The following POLR1B variants were observed in gnomAD, a reference collection of about 807,000 sequenced individuals.
The protein encoded by POLR1B is DNA-directed RNA polymerase I subunit RPA2.
In POLR1B, 30 loss-of-function variants were observed where a neutral mutation model predicts 105.8. That is an observed-to-expected ratio of 0.28 (90% CI 0.21 to 0.38). The LOEUF is 0.38. POLR1B is among the 10% of genes least tolerant of loss of function. The probability of loss-of-function intolerance (pLI) is 1.00; values close to 1 mark genes in which losing one functional copy is unlikely to be tolerated. For synonymous variants in POLR1B, 485 were observed against 505.1 expected, an observed-to-expected ratio of 0.96 and a Z score of 0.53; for missense variants, 976 against 1,435.8, an observed-to-expected ratio of 0.68 and a Z score of 5.17.
chr2:112,547,375 A>C, intron 2 of POLR1B, 46 bp from the exon 3 acceptor site: 2 of 1,583,094 alleles, frequency 1.3e-6, no homozygotes, highest in Non-Finnish European at 1.7e-6. Context: ...GTTCTCGTAA[A>C]TGCAGATATT....
upstream of POLR1B, chr2:112,542,125 C>T (rs1198402733): frequency 3.3e-6 from 5 of 1,535,636 alleles, no homozygotes; most frequent in Non-Finnish European, 4.4e-6. Context: ...GAAGACCGCT[C>T]TCCTCCGATC....
chr2:112,550,938 C>T lies in POLR1B; in HGVS notation c.698C>T (p.Thr233Ile). The T allele has an allele frequency of 6.2e-7, 1 of 1,613,438 alleles. No individual in the cohort carries two copies. Among genetic ancestry groups the T allele is most frequent in the Non-Finnish European group, 8.5e-7 (1 of 1,179,394 alleles). Residue 233 changes from threonine (T) to isoleucine (I), a missense_variant, in exon 5 of 15, where the codon ACT becomes ATT. Transcript: ENST00000263331. ...NMNLHYLENG[T>I]VMLNFIYRKE... ...AACCTCCACTACTTGGAAAATGGCA[C>T]TGTTATGTTGAACTTTATTTACCGA...
At position 112,558,178 on chromosome 2, in the gene POLR1B, C is replaced by T. The variant is rs553579826; in HGVS notation, c.1330+97C>T. The T allele has an allele frequency of 1.9e-4, 191 of 980,834 alleles. 1 individual carries two copies. In the South Asian group the frequency reaches 6.9e-3, roughly 35 times the overall value. The allele number at this position is 980,834 out of a possible 1,614,324, so 60.8% of individuals were successfully genotyped here. A position where few individuals can be genotyped will look rare whatever the true frequency, so the allele number is the denominator to read the frequency against. The stretch of plus-strand genomic sequence containing the variant: ...GAGTTCTTTTTAAAAGCAAACCCCA[C>T]GAAAAAAGTAAATTTCTCATAACTA... On this transcript the variant is annotated intron_variant, in intron 8 of 14. Transcript: ENST00000263331.
At chr2:112,542,773 C>T (rs1574083144) in intron 1 of POLR1B, 102 bp downstream of exon 1, 2 of 1,427,762 alleles carry the variant, frequency 1.4e-6, no homozygotes, top group South Asian at 1.3e-5. Flanking sequence ...CTCCTTGATC[C>T]TGACAGGCTT....
chr2:112,546,424 C>G (rs1266451697), intron 1 of POLR1B, among the ~76,000 whole-genome samples: 1 of 151,924 alleles, frequency 6.6e-6, no homozygotes, highest in Non-Finnish European at 1.5e-5. Flanking sequence ...GTTCTGTTCA[C>G]AGCTGTATCC....
At position 112,568,081 on chromosome 2, in the gene POLR1B, C is replaced by T; in HGVS notation, c.1861C>T (p.Arg621Trp). The part of the protein sequence containing the change: ...FLFTTPCRLV[R>W]PVQNLALGKE... The stretch of plus-strand genomic sequence containing the variant: ...TTTTACCACTCCTTGTAGACTGGTA[C>T]GGCCTGTGCAGAACTTAGCATTGGG... The change falls in exon 11 of 15, where the codon CGG becomes TGG. Residue 621 changes from arginine to tryptophan, a missense_variant. Around this residue, in one of 12 missense-constraint regions of POLR1B, gnomAD observed 184 missense variants for 197.4 expected, o/e 0.93. Coordinates refer to ENST00000263331, the MANE Select transcript of POLR1B (RefSeq NM_019014.6). 1 of 1,614,078 alleles carries T rather than the reference C, an allele frequency of 6.2e-7. No individual in the cohort carries two copies. Among genetic ancestry groups the T allele is most frequent in the Non-Finnish European group, 8.5e-7 (1 of 1,179,960 alleles).
In POLR1B at chr2:112,552,835, C is replaced by T. The variant is rs1253589973; in HGVS notation, c.1158+19C>T. On this transcript the variant is annotated intron_variant, in intron 7 of 14. Coordinates refer to ENST00000263331, the MANE Select transcript of POLR1B (RefSeq NM_019014.6). The stretch of plus-strand genomic sequence containing the variant: ...CCTGAAGGTAAATGCATGCTATGTC[C>T]ACCCTTGGCCAGTGGTACCACTTGT... The T allele has an allele frequency of 2.0e-6, 3 of 1,519,874 alleles. No individual in the cohort carries two copies. The highest frequency in any genetic ancestry group is 4.8e-5 in the East Asian group (2 of 41,266). The allele number at this position is 1,519,874 out of a possible 1,614,324, so 94.1% of individuals were successfully genotyped here.
At chr2:112,549,827 C>A (rs538052004) in intron 4 of POLR1B, among the ~76,000 whole-genome samples, 1 of 152,220 alleles carries the variant, frequency 6.6e-6, no homozygotes, top group East Asian at 1.9e-4. Flanking sequence ...TTGATGAGTA[C>A]ATTTTAAGTG....
rs1312396389 is a variant in POLR1B, at chr2:112,576,056, C to T, written c.*327C>T. On this transcript the variant is annotated 3_prime_UTR_variant, in exon 15 of 15. Coordinates refer to ENST00000263331, the MANE Select transcript of POLR1B (RefSeq NM_019014.6). The stretch of plus-strand genomic sequence containing the variant: ...CTCTCAGCAGGCAGTGAGTGTCACA[C>T]ACCTGTTAATCCATCTTGAGCAGGA... The T allele has an allele frequency of 1.2e-5, 4 of 329,328 alleles. No homozygotes were observed. The allele number at this position is 329,328 out of a possible 1,614,324, so 20.4% of individuals were successfully genotyped here.
At chr2:112,573,923 T>C (rs922682842) in intron 14 of POLR1B, 108 bp downstream of exon 14, 3 of 1,323,114 alleles carry the variant, frequency 2.3e-6, no homozygotes, top group African/African-American at 2.9e-5. Context: ...CTCAGCTCAC[T>C]ACAACCACCA....
chr2:112,549,518 G>A (rs79672941), intron 4 of POLR1B, 119 bp downstream of exon 4: 5 of 741,352 alleles, frequency 6.7e-6, no homozygotes, highest in Non-Finnish European at 7.6e-6. Flanking sequence ...TTTTTTTTTG[G>A]TAGGGATGGG....
At position 112,559,348 on chromosome 2, in the gene POLR1B, C is replaced by T; in HGVS notation, c.1386C>T (p.Phe462=). Residue 462 remains phenylalanine, a synonymous_variant, in exon 9 of 15, where the codon TTC becomes TTT. Transcript: ENST00000263331. ...GLCVVADKLN[F]IRYLSHFRCV... ...GTGTTGTGGCTGACAAGCTGAACTT[C>T]ATACGCTACCTCTCCCATTTCCGCT... 6.2e-7 allele frequency: 1 copy of T among 1,614,218 alleles called. No individual in the cohort carries two copies. Among genetic ancestry groups the T allele is most frequent in the South Asian group, 1.1e-5 (1 of 91,088 alleles).
In POLR1B at chr2:112,573,699, T is replaced by C; in HGVS notation, c.2409T>C (p.Val803=). Residue 803 remains valine (V), a synonymous_variant, in exon 14 of 15, where the codon GTT becomes GTC. Transcript: ENST00000263331. ...GCATCAAACCTGGTGACCCACGCGT[T>C]CTGCAGAAGTTAGATGACGATGGAT... The part of the protein sequence containing the change: ...VFGIKPGDPR[V]LQKLDDDGLP... The C allele has an allele frequency of 6.2e-7, 1 of 1,614,196 alleles. No individual in the cohort carries two copies. Among genetic ancestry groups the C allele is most frequent in the Non-Finnish European group, 8.5e-7 (1 of 1,180,036 alleles).
intron 14 of POLR1B, among the ~76,000 whole-genome samples, chr2:112,574,528 TGGGCAATGTAGTG>T (rs1446251831): frequency 1.3e-5 from 2 of 152,074 alleles, no homozygotes; most frequent in African/African-American, 4.8e-5. Flanking sequence ...ATGATCAGTC[TGGGCAATGTAGTG>T]GGGCCCTATC....
At chr2:112,556,406 A>G (rs1224783642) in intron 7 of POLR1B, among the ~76,000 whole-genome samples, 1 of 152,222 alleles carries the variant, frequency 6.6e-6, no homozygotes, top group Non-Finnish European at 1.5e-5. Flanking sequence ...CATTTTATAA[A>G]ATATATTCCT....
At chr2:112,542,074 T>C (rs1682773750), upstream of POLR1B, 1 of 1,528,646 alleles carries the variant, frequency 6.5e-7, no homozygotes, top group African/African-American at 1.4e-5. Context: ...GGCATCAGCG[T>C]GGGACTGGGA....
chr2:112,551,186 G>T (rs536639983), intron 5 of POLR1B, among the ~76,000 whole-genome samples, 184 bp downstream of exon 5: 1 of 152,310 alleles, frequency 6.6e-6, no homozygotes, highest in African/African-American at 2.4e-5. Flanking sequence ...AGTTTCTGCG[G>T]GTCGGGAGTT....
At chr2:112,551,390 A>G (rs1164444628) in intron 5 of POLR1B, among the ~76,000 whole-genome samples, 1 of 152,190 alleles carries the variant, frequency 6.6e-6, no homozygotes. Flanking sequence ...TGCTTGAGGC[A>G]ACTGTCTTCC....
intron 7 of POLR1B, among the ~76,000 whole-genome samples, chr2:112,554,907 G>A (rs1175508731): frequency 7.9e-5 from 12 of 152,272 alleles, no homozygotes; most frequent in African/African-American, 2.4e-5. Context: ...GTGGCTGGGT[G>A]TGGTGGCTCA....
Sources: gnomAD v4.1 joint callset for allele counts (sites outside exome capture counted in the v4.1 genomes callset) on GRCh38, gnomAD v4.1.1 for gene constraint, gnomAD v4.1.1 regional missense constraint, MANE v1.5 for transcripts, NCBI Gene and HGNC (gene_info 2026-07-23, HGNC 2026-07-21) for gene names.